The following SMCO2 variants were observed in gnomAD, a reference collection of about 807,000 sequenced individuals.
The protein encoded by SMCO2 is single-pass membrane protein with coiled-coil domains 2, also known as single-pass membrane and coiled-coil domain-containing protein 2.
Under a neutral mutation model 29.5 loss-of-function variants are expected in SMCO2, and 25 were observed. The ratio of observed to expected loss-of-function variants is 0.85; its 90% CI spans 0.62 to 1.18. SMCO2 has a LOEUF of 1.18. Ranked by LOEUF, SMCO2 falls within the 50% of genes most tolerant of loss-of-function variation. SMCO2 has a pLI of 0.00. For missense variants in SMCO2, 348 were observed against 344.5 expected, an observed-to-expected ratio of 1.01 and a Z score of -0.08; for synonymous variants, 117 against 123.3, an observed-to-expected ratio of 0.95 and a Z score of 0.34.
At chr12:27,426,252 C>T in the SMCO2 span, among the ~76,000 whole-genome samples, 2 of 152,178 alleles carry the variant, frequency 1.3e-5, no homozygotes, top group Non-Finnish European at 2.9e-5. Context: ...AATGTTGAAG[C>T]AAAAGCAGTG....
chr12:27,499,373 A>G (rs1198491237), intron 7 of SMCO2, among the ~76,000 whole-genome samples: 1 of 150,760 alleles, frequency 6.6e-6, no homozygotes, highest in Non-Finnish European at 1.5e-5. Context: ...TGAATGTTCA[A>G]AGTAGGAAAA....
At chr12:27,426,869 GT>G in the SMCO2 span, among the ~76,000 whole-genome samples, 6 of 152,174 alleles carry the variant, frequency 3.9e-5, no homozygotes, top group Admixed American at 2.0e-4. Context: ...AAACAATTTT[GT>G]TTGCTAAGGT....
chr12:27,449,780 C>T, the SMCO2 span, among the ~76,000 whole-genome samples: 1 of 152,306 alleles, frequency 6.6e-6, no homozygotes, highest in African/African-American at 2.4e-5. Context: ...TTTCCATTGT[C>T]CTATAATACA....
the SMCO2 span, among the ~76,000 whole-genome samples, chr12:27,433,280 A>C: frequency 6.6e-6 from 1 of 152,198 alleles, no homozygotes; most frequent in Non-Finnish European, 1.5e-5. Flanking sequence ...TAACAAAACA[A>C]GAAGGAAAAA....
exon 3 of SMCO2, chr12:27,472,798 G>T (rs1344266599): frequency 6.4e-6 from 10 of 1,550,532 alleles, no homozygotes; most frequent in Non-Finnish European, 8.7e-6. Flanking sequence ...AATTATCAAA[G>T]TGGACCACAT....
At chr12:27,424,088 TCTA>T in the SMCO2 span, 5 of 152,380 alleles carry the variant, frequency 3.3e-5, no homozygotes, top group South Asian at 2.1e-4. Flanking sequence ...TAAAATTAGT[TCTA>T]CTTGTATCTT....
the SMCO2 span, among the ~76,000 whole-genome samples, chr12:27,433,506 TACACACACACACACAC>T: frequency 4.7e-5 from 7 of 147,862 alleles, no homozygotes; most frequent in Non-Finnish European, 7.5e-5. Context: ...CAGATGTGTA[TACACACACACACACAC>T]ACACACACAC....
intron 6 of SMCO2, among the ~76,000 whole-genome samples, chr12:27,494,696 C>T (rs1403097097): frequency 2.6e-5 from 4 of 151,956 alleles, no homozygotes; most frequent in Admixed American, 1.3e-4. Flanking sequence ...ATGATGTACC[C>T]CTCCTTGTGT....
At chr12:27,455,010 CT>C in the SMCO2 span, among the ~76,000 whole-genome samples, 15 of 152,296 alleles carry the variant, frequency 9.8e-5, no homozygotes, top group African/African-American at 3.4e-4. Context: ...TATCGTTGAA[CT>C]TTTACATTAT....
chr12:27,424,478 G>C, the SMCO2 span: 5 of 152,188 alleles, frequency 3.3e-5, no homozygotes, highest in African/African-American at 1.2e-4. Flanking sequence ...ACAGAATAGA[G>C]ACTTTTAGTA....
At chr12:27,436,119 A>C in the SMCO2 span, among the ~76,000 whole-genome samples, 1 of 152,136 alleles carries the variant, frequency 6.6e-6, no homozygotes, top group Non-Finnish European at 1.5e-5. Flanking sequence ...CCCTTTTATG[A>C]AGGCACTAAT....
chr12:27,477,052 G>A (rs984504425), intron 4 of SMCO2, among the ~76,000 whole-genome samples: 15 of 151,912 alleles, frequency 9.9e-5, no homozygotes, highest in African/African-American at 2.9e-4. Flanking sequence ...GAGTTTTCAT[G>A]TTTGTAGATT....
chr12:27,467,982 AT>A (rs1431175044), intron 1 of SMCO2, among the ~76,000 whole-genome samples: 3 of 152,194 alleles, frequency 2.0e-5, no homozygotes, highest in Non-Finnish European at 4.4e-5. Context: ...CACAGCTTTT[AT>A]TTTAATAGAT....
At chr12:27,459,143 C>A in the SMCO2 span, among the ~76,000 whole-genome samples, 2 of 142,462 alleles carry the variant, frequency 1.4e-5, no homozygotes, top group African/African-American at 2.7e-5. Flanking sequence ...GCCAAGATCG[C>A]GCCACTGCAC....
chr12:27,474,955 T>G, intron 4 of SMCO2, 42 bp downstream of exon 4: 1 of 1,537,200 alleles, frequency 6.5e-7, no homozygotes. Flanking sequence ...TAATAATGTG[T>G]GGAGGGGAAA....
At chr12:27,453,745 A>C in the SMCO2 span, among the ~76,000 whole-genome samples, 5 of 152,216 alleles carry the variant, frequency 3.3e-5, no homozygotes, top group Non-Finnish European at 7.3e-5. Context: ...TAAGTACAGC[A>C]AATGTGGCAC....
At chr12:27,496,383 T>A (rs1327692386) in intron 7 of SMCO2, among the ~76,000 whole-genome samples, 1 of 150,676 alleles carries the variant, frequency 6.6e-6, no homozygotes, top group Admixed American at 6.6e-5. Context: ...TATCTACATA[T>A]CTATAGATGT....
intron 7 of SMCO2, among the ~76,000 whole-genome samples, chr12:27,498,982 T>C (rs147823663): frequency 0.012 from 1,774 of 150,748 alleles, 91 homozygotes; most frequent in Middle Eastern, 0.038. Flanking sequence ...CCCTCGTATA[T>C]CACTGGTGGG....
intron 4 of SMCO2, among the ~76,000 whole-genome samples, chr12:27,476,628 T>C (rs1015619133): frequency 1.3e-5 from 2 of 152,086 alleles, no homozygotes; most frequent in Non-Finnish European, 2.9e-5. Flanking sequence ...CCTTTGTCTT[T>C]TTTTATAGTT....
Sources: gnomAD v4.1 joint callset for allele counts (sites outside exome capture counted in the v4.1 genomes callset) on GRCh38, gnomAD v4.1.1 for gene constraint, MANE v1.5 for transcripts, NCBI Gene and HGNC (gene_info 2026-07-23, HGNC 2026-07-21) for gene names.